Variants in PCDHA6 observed in about 807,000 individuals in gnomAD.
The protein encoded by PCDHA6 is protocadherin alpha 6.
In PCDHA6, 55 loss-of-function variants were observed where a neutral mutation model predicts 60.3. The observed-to-expected ratio is 0.91, with a 90% CI of 0.73 to 1.14. The LOEUF (loss-of-function observed/expected upper bound fraction) is 1.14, where lower values mean the gene tolerates loss of function less well. Ranked by LOEUF, PCDHA6 falls within the 50% of genes most tolerant of loss-of-function variation. The pLI is 0.00. For synonymous variants in PCDHA6, 652 were observed against 557.9 expected (o/e 1.17, Z -2.38); for missense variants, 1,327 against 1,256.5 (o/e 1.06, Z -0.85).
chr5:140,863,264 C>A (rs1432032847), intron 1 of PCDHA6: 2 of 1,454,796 alleles, frequency 1.4e-6, no homozygotes, highest in African/African-American at 1.4e-5. Context: ...GTCCGGGAGG[C>A]AGCGCTGGTG....
At chr5:140,857,987 C>A (rs1562532129) in intron 1 of PCDHA6, 2 of 1,596,876 alleles carry the variant, frequency 1.3e-6, no homozygotes, top group East Asian at 4.5e-5. Context: ...CCAGCGCCTA[C>A]TGGTGCTGGT....
Position 140,827,976 on chromosome 5 carries a change from C to T in PCDHA6, c.-116C>T, listed in dbSNP as rs1769473350. The T allele has an allele frequency of 1.3e-5, 18 of 1,405,264 alleles. No individual in the cohort carries two copies. In the Middle Eastern group the frequency reaches 7.7e-4, roughly 60 times the overall value. 87.0% of individuals were successfully genotyped at this position (1,405,264 alleles called of 1,614,324 possible). On this transcript the variant is annotated 5_prime_UTR_variant, in exon 1 of 4. Coordinates refer to ENST00000529310, the MANE Select transcript of PCDHA6 (RefSeq NM_018909.4). Reference sequence around the variant, plus strand: ...ATTTCTTCTATTACTGCATCATTCCCTGACTGTTGAATGATGGCGGACGCA... The same window carrying T: ...ATTTCTTCTATTACTGCATCATTCCTTGACTGTTGAATGATGGCGGACGCA...
chr5:140,960,299 A>C (rs246005), intron 1 of PCDHA6, among the ~76,000 whole-genome samples: 85,531 of 151,846 alleles, frequency 0.56, 24,685 homozygotes, highest in African/African-American at 0.69. Flanking sequence ...TTTCTTCATC[A>C]ATACCAACCT....
At chr5:140,850,115 G>A (rs2150468444) in intron 1 of PCDHA6, 17 of 1,595,978 alleles carry the variant, frequency 1.1e-5, no homozygotes, top group Non-Finnish European at 1.5e-5. Flanking sequence ...CGCGCGACGC[G>A]GGCGTGCCGC....
chr5:140,875,573 C>A, intron 1 of PCDHA6: 1 of 1,614,112 alleles, frequency 6.2e-7, no homozygotes, highest in Non-Finnish European at 8.5e-7. Context: ...CTCCACTACT[C>A]CGTCTACGAG....
intron 1 of PCDHA6, among the ~76,000 whole-genome samples, chr5:140,957,050 A>T (rs246010): frequency 0.56 from 85,650 of 151,948 alleles, 24,767 homozygotes; most frequent in African/African-American, 0.69. Context: ...TATAAAATAA[A>T]TTATAAATGT....
chr5:140,972,758 A>G lies in PCDHA6; in HGVS notation c.2395-6191A>G, dbSNP rs563540989. Among the ~76,000 whole-genome samples, 16 of 150,884 alleles carry G rather than the reference A, an allele frequency of 1.1e-4. No individual in the cohort carries two copies. In the South Asian group the frequency reaches 3.4e-3, roughly 32 times the overall value. On this transcript the variant is annotated intron_variant, in intron 1 of 3. Transcript: ENST00000529310. ...GGCTCACTGCAACCTCCGCCTCCCA[A>G]GTTAAAGTGATTCTTCTGCCTCAGC...
rs1237282908 is a variant in PCDHA6, at chr5:140,877,400, C to T, written c.2394+46915C>T. ...CGCATCCTGGATGAGGCGGACGCTC[C>T]GCGCCACCGCCTGCTGGTGCTGGTG... On this transcript the variant is annotated intron_variant, in intron 1 of 3. Coordinates refer to ENST00000529310, the MANE Select transcript of PCDHA6 (RefSeq NM_018909.4). The T allele has an allele frequency of 7.4e-6, 12 of 1,613,804 alleles. No homozygotes were observed. The Admixed American group carries it at 1.8e-4, about 25-fold the overall frequency.
chr5:140,884,409 C>A (rs373513056), intron 1 of PCDHA6: 1 of 1,613,992 alleles, frequency 6.2e-7, no homozygotes, highest in Non-Finnish European at 8.5e-7. Context: ...TTGGTGCTCA[C>A]GTTGCTGCTG....
intron 3 of PCDHA6, among the ~76,000 whole-genome samples, chr5:141,006,117 T>C (rs2098255751): frequency 6.6e-6 from 1 of 152,094 alleles, no homozygotes; most frequent in African/African-American, 2.4e-5. Flanking sequence ...TTTTTTTTTT[T>C]TTCTCAAGGC....
At chr5:140,966,246 G>T (rs184430396) in intron 1 of PCDHA6, 5 of 319,412 alleles carry the variant, frequency 1.6e-5, no homozygotes, top group African/African-American at 6.4e-5. Flanking sequence ...TTAAGCAGGG[G>T]AGAGACGGTG....
At chr5:140,884,533 G>T in intron 1 of PCDHA6, 1 of 1,614,082 alleles carries the variant, frequency 6.2e-7, no homozygotes, top group Non-Finnish European at 8.5e-7. Flanking sequence ...AGCAGAGGCG[G>T]CCGAGGGTGT....
intron 3 of PCDHA6, among the ~76,000 whole-genome samples, chr5:140,982,908 C>A (rs1554244948): frequency 2.0e-5 from 3 of 151,668 alleles, no homozygotes; most frequent in Non-Finnish European, 2.9e-5. Flanking sequence ...GCCTTATGCA[C>A]AGAGATGACA....
In PCDHA6 at chr5:140,877,673, C is replaced by T. The variant is rs1187719075; in HGVS notation, c.2394+47188C>T. The T allele has an allele frequency of 2.5e-5, 40 of 1,613,532 alleles. No individual in the cohort carries two copies. In the East Asian group the frequency reaches 8.0e-4, roughly 32 times the overall value. Reference sequence around the variant, plus strand: ...CCGCCCACCGTGAGCCGGTGCGCGCCGGGCAAGCCCACGCTGGTGTGCTCC... The same window carrying T: ...CCGCCCACCGTGAGCCGGTGCGCGCTGGGCAAGCCCACGCTGGTGTGCTCC... On this transcript the variant is annotated intron_variant, in intron 1 of 3. Transcript: ENST00000529310.
At chr5:140,907,341 G>A (rs376587538) in intron 1 of PCDHA6, among the ~76,000 whole-genome samples, 1 of 152,326 alleles carries the variant, frequency 6.6e-6, no homozygotes, top group South Asian at 2.1e-4. Context: ...ATATGCATGA[G>A]CCCGCTGCTG....
At chr5:140,875,221 A>G (rs2055359390) in intron 1 of PCDHA6, 3 of 759,332 alleles carry the variant, frequency 4.0e-6, no homozygotes, top group South Asian at 3.3e-5. Flanking sequence ...AAAGAACCTC[A>G]GGATCTTTCT....
intron 1 of PCDHA6, chr5:140,856,779 C>T (rs1554149103): frequency 6.3e-7 from 1 of 1,596,160 alleles, no homozygotes; most frequent in East Asian, 2.2e-5. Context: ...TTTGACAGAC[C>T]GGTTTATGAA....
intron 1 of PCDHA6, among the ~76,000 whole-genome samples, chr5:140,888,286 C>T (rs1277980750): frequency 6.6e-6 from 1 of 152,080 alleles, no homozygotes; most frequent in African/African-American, 2.4e-5. Context: ...TCCCCTCTAC[C>T]CCCTACCCAG....
At chr5:140,843,070 G>T (rs2150351793) in intron 1 of PCDHA6, 5 of 1,595,368 alleles carry the variant, frequency 3.1e-6, no homozygotes, top group East Asian at 2.2e-5. Flanking sequence ...TGGTGCCGCG[G>T]TCTGTGGGCG....
Sources: allele counts gnomAD v4.1 joint callset (sites outside exome capture counted in the v4.1 genomes callset), GRCh38; gene constraint gnomAD v4.1.1; transcripts MANE v1.5; gene names NCBI Gene and HGNC (gene_info 2026-07-23, HGNC 2026-07-21).